MYH8: variants seen among roughly 807,000 people sequenced by gnomAD.
MYH8 encodes myosin-8.
Under a neutral mutation model 233.2 loss-of-function variants are expected in MYH8, and 168 were observed. The observed-to-expected ratio is 0.72, with a 90% CI of 0.64 to 0.82. The LOEUF (loss-of-function observed/expected upper bound fraction) is 0.82, where lower values mean the gene tolerates loss of function less well. MYH8 is among the 40% of genes least tolerant of loss of function. The pLI is 0.00. For synonymous variants in MYH8, 785 were observed against 850.6 expected (o/e 0.92, Z 1.34); for missense variants, 1,995 against 2,327.8 (o/e 0.86, Z 2.94).
Position 10,398,619 on chromosome 17 carries a change from C to T in MYH8, c.4003G>A (p.Ala1335Thr), listed in dbSNP as rs142232788. 1.4e-4 allele frequency: 233 copies of T among 1,614,032 alleles called. No individual in the cohort carries two copies. The African/African-American group carries it at 2.5e-3, about 18-fold the overall frequency. The part of the protein sequence containing the change: ...ETKAKNALAH[A>T]LQSSRHDCDL... ...CAGTCATGGCGGGAGGACTGCAGGG[C>T]GTGTGCCAGGGCGTTCTTGGCCTGC... Residue 1335 changes from alanine to threonine, a missense_variant, in exon 30 of 40, where the codon GCC becomes ACC. This residue lies in a region of MYH8 where 1,498 missense variants were observed against 1,680.9 expected (regional missense o/e 0.89). Coordinates refer to ENST00000403437, the MANE Select transcript of MYH8 (RefSeq NM_002472.3).
In MYH8 at chr17:10,396,579, A is replaced by C. The variant is rs761617178; in HGVS notation, c.4502T>G (p.Leu1501Arg). 5 of 1,614,134 alleles carry C rather than the reference A, an allele frequency of 3.1e-6. No homozygotes were observed. The highest frequency in any genetic ancestry group is 4.2e-6 in the Non-Finnish European group (5 of 1,180,008). The change falls in exon 32 of 40, where the codon CTA becomes CGA. Residue 1501 changes from leucine (L) to arginine (R), a missense_variant. Physicochemically the swap from Leu to Arg is moderately radical, Grantham distance 102 (BLOSUM62 -2). Around this residue, in one of 3 missense-constraint regions of MYH8, gnomAD observed 1,498 missense variants for 1,680.9 expected, o/e 0.89. Coordinates refer to ENST00000403437, the MANE Select transcript of MYH8 (RefSeq NM_002472.3). This position sits in a 1 kb window ranked among gnomAD's most constrained non-coding sequence, Gnocchi z 4.2. The part of the protein sequence containing the change: ...YEESLDQLET[L>R]RRENKNLQQE... The stretch of plus-strand genomic sequence containing the variant: ...TTGCAAGTTCTTATTTTCTCTTCTT[A>C]GCGTTTCGAGTTGATCCAGGGATTC...
chr17:10,408,219 G>T (rs1183207986), intron 17 of MYH8, among the ~76,000 whole-genome samples: 3 of 152,068 alleles, frequency 2.0e-5, no homozygotes, highest in Non-Finnish European at 4.4e-5. Context: ...GATTACAGGT[G>T]TGAGCCACTG....
chr17:10,400,675 G>A lies in MYH8; in HGVS notation c.3450C>T (p.Ser1150=). 3.1e-6 allele frequency: 5 copies of A among 1,614,114 alleles called. No homozygotes were observed. The South Asian group carries it at 4.4e-5, about 14-fold the overall frequency. ...SDLSRELEEI[S]ERLEEAGGAT... ...CCCCACCGGCTTCTTCCAGCCTCTC[G>A]CTGATCTCCTCCAGTTCCCGGGAGA... The change falls in exon 27 of 40, where the codon AGC becomes AGT. Residue 1150 remains serine (S), a synonymous_variant. Transcript: ENST00000403437. This position sits in a 1 kb window ranked among gnomAD's most constrained non-coding sequence, Gnocchi z 4.0.
chr17:10,414,125 C>G, intron 11 of MYH8, 67 bp downstream of exon 11: 1 of 1,607,640 alleles, frequency 6.2e-7, no homozygotes, highest in South Asian at 1.1e-5. Flanking sequence ...GGTAACCACA[C>G]CTACAGTAGT....
In MYH8 at chr17:10,417,593, A is replaced by G. The variant is rs2072299925; in HGVS notation, c.511+1052T>C. Among the ~76,000 whole-genome samples the G allele has an allele frequency of 6.6e-6, 1 of 152,180 alleles. No individual in the cohort carries two copies. Among genetic ancestry groups the G allele is most frequent in the Non-Finnish European group, 1.5e-5 (1 of 68,030 alleles). On this transcript the variant is annotated intron_variant, in intron 5 of 39. Transcript: ENST00000403437. The surrounding 1 kb of genome is among the most constrained non-coding windows in gnomAD (Gnocchi z 4.1). Reference sequence around the variant, plus strand: ...CCATAAGTAACCTTGAATTTGGAGCAGCCCCAAACCCTGGGGAGCGGGGGG... The same window carrying G: ...CCATAAGTAACCTTGAATTTGGAGCGGCCCCAAACCCTGGGGAGCGGGGGG...
rs1487976998 is a variant in MYH8, at chr17:10,400,564, C to T, written c.3561G>A (p.Gln1187=). 6.2e-7 allele frequency: 1 copy of T among 1,614,246 alleles called. No homozygotes were observed. The change falls in exon 27 of 40, where the codon CAG becomes CAA. Residue 1187 remains glutamine, a synonymous_variant. Transcript: ENST00000403437. The surrounding 1 kb of genome is among the most constrained non-coding windows in gnomAD (Gnocchi z 4.0). The stretch of plus-strand genomic sequence containing the variant: ...GAAGAGCAGCCACCATAGCTTCATG[C>T]TGCAGGGTGGCCTCCTCCAGGTCCC... ...LRRDLEEATL[Q]HEAMVAALRK...
intron 14 of MYH8, among the ~76,000 whole-genome samples, chr17:10,411,652 T>C (rs539291209): frequency 1.3e-5 from 2 of 152,326 alleles, no homozygotes; most frequent in East Asian, 3.9e-4. Context: ...ATTTTCACCT[T>C]TGGCTGTTAC....
rs2072117135 is a variant in MYH8 at position 10,399,691 on chromosome 17, A to C, written c.3736-22T>G. ...TTCCCTACAGGATATGTAGCAATGA[A>C]AGATGAGACATTGAATGCAATAAAA... is the stretch of plus-strand genomic sequence containing the variant. On this transcript the variant is annotated intron_variant, in intron 27 of 39. Transcript: ENST00000403437. 4 of 1,613,592 alleles carry C rather than the reference A, an allele frequency of 2.5e-6. No homozygotes were observed. The East Asian group carries it at 6.7e-5, about 27-fold the overall frequency.
chr17:10,409,334 C>CA lies in MYH8; in HGVS notation c.1841_1842insT (p.Lys614AsnfsTer16). 1.9e-6 allele frequency: 3 copies of CA among 1,614,236 alleles called. No individual in the cohort carries two copies. Among genetic ancestry groups the CA allele is most frequent in the Non-Finnish European group, 2.5e-6 (3 of 1,180,040 alleles). ...GACTGGCTAGAGTCTTCATTGCAGA[C>CA]TTCTGGTACAGCCCAACCACAGTAT... On this transcript the variant is annotated frameshift_variant, in exon 16 of 40. Coordinates refer to ENST00000403437, the MANE Select transcript of MYH8 (RefSeq NM_002472.3). LOFTEE classifies it high-confidence loss of function.
In MYH8 at chr17:10,417,278, A is replaced by T. The variant is rs2072297522; in HGVS notation, c.511+1367T>A. Among the ~76,000 whole-genome samples, 1 of 152,248 alleles carries T rather than the reference A, an allele frequency of 6.6e-6. No individual in the cohort carries two copies. Among genetic ancestry groups the T allele is most frequent in the South Asian group, 2.1e-4 (1 of 4,836 alleles). On this transcript the variant is annotated intron_variant, in intron 5 of 39. Coordinates refer to ENST00000403437, the MANE Select transcript of MYH8 (RefSeq NM_002472.3). The surrounding 1 kb of genome is among the most constrained non-coding windows in gnomAD (Gnocchi z 4.1). ...AGATTTTAGAGAATTCTAAAACCTA[A>T]AAATCTATTCAGGGAAAATAGATAT...
At position 10,415,101 on chromosome 17, in the gene MYH8, G is replaced by A. The variant is rs767941639; in HGVS notation, c.805+15C>T. 37 of 1,607,910 alleles carry A rather than the reference G, an allele frequency of 2.3e-5. No homozygotes were observed. The African/African-American group carries it at 2.5e-4, about 11-fold the overall frequency. ...TTGTCTCTCTGTTTTGATTTTCAATGGTCCTGTTACTCACATGTTTCTATA... is the reference window on the plus strand; with the variant it reads ...TTGTCTCTCTGTTTTGATTTTCAATAGTCCTGTTACTCACATGTTTCTATA... On this transcript the variant is annotated intron_variant, in intron 9 of 39. Coordinates refer to ENST00000403437, the MANE Select transcript of MYH8 (RefSeq NM_002472.3). The surrounding 1 kb of genome is among the most constrained non-coding windows in gnomAD (Gnocchi z 4.1).
intron 36 of MYH8, 21 bp from the exon 37 acceptor site, chr17:10,393,022 G>C: frequency 1.9e-6 from 3 of 1,614,192 alleles, no homozygotes; most frequent in Non-Finnish European, 2.5e-6. Context: ...AATAAATTAA[G>C]AAAGTAATGA....
In MYH8 at chr17:10,400,617, G is replaced by A. The variant is rs2072130162; in HGVS notation, c.3508C>T (p.Arg1170Trp). ...CGCAGTTTCTGAAACTCAGCCTCCC[G>A]CTTCTTGTTCAATTCCACCTGAGCA... ...TSAQVELNKK[R>W]EAEFQKLRRD... Residue 1170 changes from arginine (R) to tryptophan (W), a missense_variant, in exon 27 of 40, where the codon CGG becomes TGG. By Grantham distance (101) the Arg-to-Trp change is moderately radical. This residue lies in a region of MYH8 where 1,498 missense variants were observed against 1,680.9 expected (regional missense o/e 0.89). Coordinates refer to ENST00000403437, the MANE Select transcript of MYH8 (RefSeq NM_002472.3). This position sits in a 1 kb window ranked among gnomAD's most constrained non-coding sequence, Gnocchi z 4.0. 3 of 1,614,028 alleles carry A rather than the reference G, an allele frequency of 1.9e-6. No homozygotes were observed. The highest frequency in any genetic ancestry group is 2.7e-5 in the African/African-American group (2 of 74,912).
At position 10,420,046 on chromosome 17, in the gene MYH8, T is replaced by G. The variant is rs745704426; in HGVS notation, c.182A>C (p.Lys61Thr). ...TCCACCTTCAGTCTTTACGGTTACT[T>G]TCCCTCCTTCTTTGCTTTGTATAGT... is the stretch of plus-strand genomic sequence containing the variant. ...KSTIQSKEGG[K>T]VTVKTEGGAT... The change falls in exon 3 of 40, where the codon AAA becomes ACA. Residue 61 changes from lysine (K) to threonine (T), a missense_variant. Physicochemically the swap from Lys to Thr is moderately conservative, Grantham distance 78 (BLOSUM62 -1). Around this residue, in one of 3 missense-constraint regions of MYH8, gnomAD observed 479 missense variants for 600.9 expected, o/e 0.80. Coordinates refer to ENST00000403437, the MANE Select transcript of MYH8 (RefSeq NM_002472.3). 6.2e-7 allele frequency: 1 copy of G among 1,614,264 alleles called. No individual in the cohort carries two copies.
At position 10,406,402 on chromosome 17, in the gene MYH8, T is replaced by C; in HGVS notation, c.2172-5A>G. ...CTTGCATTTAAAACCTTGTATCTGCTCAGTTAAAGAAAGAAAGAATGGTTA... is the reference window on the plus strand; with the variant it reads ...CTTGCATTTAAAACCTTGTATCTGCCCAGTTAAAGAAAGAAAGAATGGTTA... On this transcript the variant is annotated splice_polypyrimidine_tract_variant and splice_region_variant and intron_variant, in intron 19 of 39. Coordinates refer to ENST00000403437, the MANE Select transcript of MYH8 (RefSeq NM_002472.3). The C allele has an allele frequency of 6.2e-7, 1 of 1,613,886 alleles. No homozygotes were observed. Among genetic ancestry groups the C allele is most frequent in the Non-Finnish European group, 8.5e-7 (1 of 1,179,900 alleles).
Position 10,412,694 on chromosome 17 carries a change from G to T in MYH8, c.1182C>A (p.Asn394Lys). The T allele has an allele frequency of 3.7e-6, 6 of 1,614,216 alleles. No homozygotes were observed. The highest frequency in any genetic ancestry group is 5.1e-6 in the Non-Finnish European group (6 of 1,180,026). Reference protein sequence around the residue: ...ADKAAYLQSLNSADLLKALCY... With the variant: ...ADKAAYLQSLKSADLLKALCY... Reference sequence around the variant, plus strand: ...AGAGGGCTTTGAGTAGGTCTGCAGAGTTCAGACTCTGGAGATAGGCTGCCT... The same window carrying T: ...AGAGGGCTTTGAGTAGGTCTGCAGATTTCAGACTCTGGAGATAGGCTGCCT... The change falls in exon 13 of 40, where the codon AAC becomes AAA. Residue 394 changes from asparagine to lysine, a missense_variant. By Grantham distance (94) the Asn-to-Lys change is moderately conservative. Coordinates refer to ENST00000403437, the MANE Select transcript of MYH8 (RefSeq NM_002472.3).
In MYH8 at chr17:10,392,899, G is replaced by T. The variant is rs1204708839; in HGVS notation, c.5395C>A (p.Arg1799Ser). 1.2e-6 allele frequency: 2 copies of T among 1,614,150 alleles called. 1 individual carries two copies. Among genetic ancestry groups the T allele is most frequent in the Non-Finnish European group, 1.7e-6 (2 of 1,180,032 alleles). Residue 1799 changes from arginine to serine, a missense_variant, in exon 37 of 40, where the codon CGT becomes AGT. This residue lies in a region of MYH8 where 1,498 missense variants were observed against 1,680.9 expected (regional missense o/e 0.89). Transcript: ENST00000403437. ...LEQTVKDLQHRLDEAEQLALK... is the reference protein window; with the variant it reads ...LEQTVKDLQHSLDEAEQLALK... ...GCCAGCTGCTCGGCCTCATCTAGAC[G>T]ATGCTGCAGGTCCTTCACCGTCTGC...
rs745822806 is a variant in MYH8, at chr17:10,413,952, T to G, written c.1097A>C (p.Lys366Thr). The change falls in exon 12 of 40, where the codon AAA becomes ACA. Residue 366 changes from lysine (K) to threonine (T), a missense_variant. Lys to Thr is a moderately conservative substitution (Grantham distance 78). Transcript: ENST00000403437. ...TGAVMHYGNMKFKQKQREEQA... is the reference protein window; with the variant it reads ...TGAVMHYGNMTFKQKQREEQA... ...CTCCTCACGCTGCTTTTGCTTGAAT[T>G]TCATGTTCCCATAATGCATCACAGC... 1.2e-6 allele frequency: 2 copies of G among 1,614,124 alleles called. No individual in the cohort carries two copies. Among genetic ancestry groups the G allele is most frequent in the Non-Finnish European group, 1.7e-6 (2 of 1,180,018 alleles).
At chr17:10,405,248 T>G (rs1189079902) in intron 21 of MYH8, among the ~76,000 whole-genome samples, 1 of 152,224 alleles carries the variant, frequency 6.6e-6, no homozygotes, top group Non-Finnish European at 1.5e-5. Context: ...CAGCATCTGT[T>G]GAGCTCTAAA....
Sources: gnomAD v4.1 joint callset for allele counts (sites outside exome capture counted in the v4.1 genomes callset) on GRCh38, gnomAD v4.1.1 for gene constraint, gnomAD v4.1.1 regional missense constraint, Gnocchi (gnomAD v3.1) non-coding constraint, MANE v1.5 for transcripts, NCBI Gene and HGNC (gene_info 2026-07-23, HGNC 2026-07-21) for gene names.